ARL15: variants seen among roughly 807,000 people sequenced by gnomAD.
ARL15 encodes the protein ARF like GTPase 15.
In ARL15, 19 loss-of-function variants were observed where a neutral mutation model predicts 25.2. That is an observed-to-expected ratio of 0.75 (90% confidence interval 0.53 to 1.10). The LOEUF (loss-of-function observed/expected upper bound fraction) is 1.10, where lower values mean the gene tolerates loss of function less well. Among genes scored for constraint, ARL15 ranks in the 50% least tolerant of loss-of-function variants. ARL15 has a pLI of 0.00. For synonymous variants in ARL15, 94 were observed against 86.8 expected (o/e 1.08, Z -0.46); for missense variants, 220 against 246.0 (o/e 0.89, Z 0.71).
intron 4 of ARL15, among the ~76,000 whole-genome samples, chr5:54,021,857 AAAAT>A (rs1485675512): frequency 1.6e-4 from 24 of 152,188 alleles, no homozygotes; most frequent in Non-Finnish European, 3.1e-4. Flanking sequence ...AAATTTCTGA[AAAAT>A]AAAGACAAAG....
chr5:53,893,988 C>A (rs557328440), intron 4 of ARL15, among the ~76,000 whole-genome samples: 17 of 152,280 alleles, frequency 1.1e-4, no homozygotes, highest in African/African-American at 3.8e-4. Flanking sequence ...AAATAAAAAA[C>A]CAACTTGCCA....
chr5:54,071,858 A>G (rs1751432755), intron 4 of ARL15, among the ~76,000 whole-genome samples: 1 of 152,012 alleles, frequency 6.6e-6, no homozygotes, highest in African/African-American at 2.4e-5. Context: ...CTGTAGTCCC[A>G]GCTACTCGGA....
At chr5:54,029,509 C>T (rs1320260665) in intron 4 of ARL15, among the ~76,000 whole-genome samples, 1 of 152,088 alleles carries the variant, frequency 6.6e-6, no homozygotes, top group Non-Finnish European at 1.5e-5. Flanking sequence ...GTAACATATG[C>T]AATAAATACA....
chr5:54,093,210 G>C (rs1024515280), intron 4 of ARL15, among the ~76,000 whole-genome samples: 6 of 152,302 alleles, frequency 3.9e-5, no homozygotes, highest in Middle Eastern at 3.4e-3. Context: ...AGTGCTCACA[G>C]AAGTCTTGCC....
At position 54,246,616 on chromosome 5, in the gene ARL15, A is replaced by G. The variant is rs17586870; in HGVS notation, c.48+63816T>C. ...CCTTCATCTCCCTGACTCAACACAC[A>G]TGATACACAGACAAGGCTTTTATCT... is the stretch of plus-strand genomic sequence containing the variant. On this transcript the variant is annotated intron_variant, in intron 1 of 4. Transcript: ENST00000504924. Among the ~76,000 whole-genome samples, 1,102 of 152,224 alleles carry G rather than the reference A, an allele frequency of 7.2e-3. 37 individuals are homozygous for G. The highest frequency in any genetic ancestry group is 0.054 in the Admixed American group (831 of 15,278).
At chr5:54,029,421 T>G (rs1749903141) in intron 4 of ARL15, among the ~76,000 whole-genome samples, 1 of 130,954 alleles carries the variant, frequency 7.6e-6, no homozygotes, top group African/African-American at 2.9e-5. Context: ...AATACAGCTC[T>G]CAAAGAGTTT....
intron 1 of ARL15, among the ~76,000 whole-genome samples, chr5:54,285,012 AC>A (rs1290845452): frequency 2.0e-5 from 3 of 152,172 alleles, no homozygotes; most frequent in African/African-American, 7.2e-5. Flanking sequence ...TTAACTGTAA[AC>A]CCATGAGACA....
At chr5:54,278,079 A>G (rs778936747) in intron 1 of ARL15, among the ~76,000 whole-genome samples, 3 of 152,214 alleles carry the variant, frequency 2.0e-5, no homozygotes, top group Non-Finnish European at 2.9e-5. Flanking sequence ...AGCTAAAATT[A>G]TCACTGCTCC....
chr5:54,143,900 T>C (rs901165455), intron 3 of ARL15, among the ~76,000 whole-genome samples: 7 of 152,044 alleles, frequency 4.6e-5, no homozygotes, highest in Non-Finnish European at 7.4e-5. Flanking sequence ...TATTATCATG[T>C]TTATTCTTAA....
At chr5:54,210,202 G>A (rs139641600) in intron 1 of ARL15, among the ~76,000 whole-genome samples, 9 of 151,978 alleles carry the variant, frequency 5.9e-5, no homozygotes, top group East Asian at 1.9e-4. Context: ...ATTTTTAAAC[G>A]TACCCACTTC....
intron 4 of ARL15, among the ~76,000 whole-genome samples, chr5:53,971,265 A>G (rs945202437): frequency 6.6e-6 from 1 of 152,180 alleles, no homozygotes; most frequent in Non-Finnish European, 1.5e-5. Flanking sequence ...CAGATGTTAG[A>G]CAGACTATCC....
chr5:54,189,035 C>G (rs67908797), intron 1 of ARL15, among the ~76,000 whole-genome samples: 14,070 of 151,984 alleles, frequency 0.093, 753 homozygotes, highest in Middle Eastern at 0.15. Flanking sequence ...AATTAACAAC[C>G]TGAAAAGGAA....
chr5:54,049,286 G>A (rs1750634201), intron 4 of ARL15, among the ~76,000 whole-genome samples: 1 of 151,946 alleles, frequency 6.6e-6, no homozygotes, highest in African/African-American at 2.4e-5. Context: ...AGGCTGGAGT[G>A]CAGTGGCATG....
chr5:53,990,756 A>T (rs1309239811), intron 4 of ARL15, among the ~76,000 whole-genome samples: 2 of 152,206 alleles, frequency 1.3e-5, no homozygotes, highest in African/African-American at 4.8e-5. Flanking sequence ...TGCCCTGGGG[A>T]TGCTCATATC....
intron 2 of ARL15, among the ~76,000 whole-genome samples, chr5:54,161,066 C>A (rs964825097): frequency 2.0e-5 from 3 of 151,728 alleles, no homozygotes; most frequent in Admixed American, 6.6e-5. Context: ...GGTTTAAATT[C>A]AAAAAATAAA....
At chr5:53,896,116 C>A (rs1744864370) in intron 4 of ARL15, among the ~76,000 whole-genome samples, 1 of 152,182 alleles carries the variant, frequency 6.6e-6, no homozygotes, top group South Asian at 2.1e-4. Context: ...TTGCTGCAAC[C>A]TCCACCTCCC....
At position 54,281,548 on chromosome 5, in the gene ARL15, C is replaced by A. The variant is rs547194674; in HGVS notation, c.48+28884G>T. Among the ~76,000 whole-genome samples the A allele has an allele frequency of 4.6e-5, 7 of 152,256 alleles. No individual in the cohort carries two copies. In the South Asian group the frequency reaches 1.0e-3, roughly 23 times the overall value. On this transcript the variant is annotated intron_variant, in intron 1 of 4. Transcript: ENST00000504924. Reference sequence around the variant, plus strand: ...AGAACATTTTGGATGCTTAGCAATACCCCTGGCCTCAACCCATAAGATGAC... The same window carrying A: ...AGAACATTTTGGATGCTTAGCAATAACCCTGGCCTCAACCCATAAGATGAC...
intron 1 of ARL15, among the ~76,000 whole-genome samples, chr5:54,253,321 T>C (rs1038232759): frequency 1.3e-4 from 20 of 152,084 alleles, no homozygotes; most frequent in African/African-American, 4.8e-4. Context: ...CTTCAAATAA[T>C]GGATTATGAA....
intron 3 of ARL15, among the ~76,000 whole-genome samples, chr5:54,146,996 T>C (rs763432834): frequency 5.3e-5 from 8 of 152,282 alleles, no homozygotes; most frequent in Non-Finnish European, 1.0e-4. Flanking sequence ...TTGGCTCAGT[T>C]TTCCCTTAGC....
Sources: gnomAD v4.1 joint callset for allele counts (sites outside exome capture counted in the v4.1 genomes callset) on GRCh38, gnomAD v4.1.1 for gene constraint, MANE v1.5 for transcripts, NCBI Gene and HGNC (gene_info 2026-07-23, HGNC 2026-07-21) for gene names.